The following GALNTL6 variants were observed in gnomAD, a reference collection of about 807,000 sequenced individuals.
GALNTL6 encodes polypeptide N-acetylgalactosaminyltransferase-like 6.
Under a neutral mutation model 73.7 loss-of-function variants are expected in GALNTL6, and 46 were observed. The ratio of observed to expected loss-of-function variants is 0.62; its 90% confidence interval spans 0.49 to 0.80. GALNTL6 has a LOEUF of 0.80. Ranked by LOEUF, GALNTL6 falls within the 30% of genes least tolerant of loss-of-function variation. The pLI is 0.00. For synonymous variants in GALNTL6, 259 were observed against 263.7 expected, an observed-to-expected ratio of 0.98 and a Z score of 0.17; for missense variants, 604 against 755.0, an observed-to-expected ratio of 0.80 and a Z score of 2.34.
chr4:172,893,731 G>A (rs1018933574), intron 8 of GALNTL6, among the ~76,000 whole-genome samples: 4 of 152,220 alleles, frequency 2.6e-5, no homozygotes, highest in African/African-American at 9.6e-5. Context: ...GAGCCTGGGG[G>A]GAAGGGTACC....
At chr4:172,385,130 T>G (rs1176467794) in intron 5 of GALNTL6, among the ~76,000 whole-genome samples, 1 of 152,030 alleles carries the variant, frequency 6.6e-6, no homozygotes, top group Non-Finnish European at 1.5e-5. Flanking sequence ...TGTTTTTAAT[T>G]TTGTTTCAAG....
At chr4:172,686,322 C>A (rs769004262) in intron 5 of GALNTL6, among the ~76,000 whole-genome samples, 1 of 152,130 alleles carries the variant, frequency 6.6e-6, no homozygotes, top group Non-Finnish European at 1.5e-5. Flanking sequence ...CAGACCCCCA[C>A]CCCCACTCCC....
chr4:172,760,594 G>A (rs2110822015), intron 5 of GALNTL6, among the ~76,000 whole-genome samples: 1 of 152,152 alleles, frequency 6.6e-6, no homozygotes, highest in Middle Eastern at 3.4e-3. Flanking sequence ...CTCTACAACT[G>A]CCCCAGAAAT....
intron 5 of GALNTL6, among the ~76,000 whole-genome samples, chr4:172,374,420 G>T (rs1486813758): frequency 6.6e-6 from 1 of 152,132 alleles, no homozygotes; most frequent in East Asian, 1.9e-4. Flanking sequence ...AGCTGATTGG[G>T]TAATAAACTT....
intron 3 of GALNTL6, among the ~76,000 whole-genome samples, chr4:172,256,842 A>T (rs1042017908): frequency 6.6e-6 from 1 of 151,234 alleles, no homozygotes; most frequent in Non-Finnish European, 1.5e-5. Context: ...ACTAGAACAT[A>T]CTCTCTGTGA....
At chr4:172,617,634 G>A (rs1433315863) in intron 5 of GALNTL6, among the ~76,000 whole-genome samples, 2 of 151,276 alleles carry the variant, frequency 1.3e-5, no homozygotes, top group African/African-American at 4.9e-5. Flanking sequence ...CCGCCACCAC[G>A]CCCAGCTAAT....
In GALNTL6 at chr4:172,952,251, G is replaced by A. The variant is rs1354140114; in HGVS notation, c.1364G>A (p.Trp455Ter). The A allele has an allele frequency of 6.2e-7, 1 of 1,612,106 alleles. No homozygotes were observed. The highest frequency in any genetic ancestry group is 1.7e-5 in the Admixed American group (1 of 59,970). ...CCAGTGGAGCCCCCGCCTGCTGCCT[G>A]GGGGGAGGTGAGGAAAGGTTGCCTG... ...YPPVEPPPAA[W>*]GEIRNVAANL... The change falls in exon 10 of 13, where the codon TGG becomes TAG. Residue 455 changes from tryptophan to a stop codon, truncating the protein, a stop_gained. Transcript: ENST00000506823. LOFTEE classifies it high-confidence loss of function.
chr4:172,338,494 T>A (rs1258542465), intron 4 of GALNTL6, among the ~76,000 whole-genome samples: 5 of 151,902 alleles, frequency 3.3e-5, no homozygotes, highest in African/African-American at 1.2e-4. Context: ...TCCTGGGGGG[T>A]ATGACTGTAG....
intron 2 of GALNTL6, among the ~76,000 whole-genome samples, chr4:171,917,357 G>T (rs867846102): frequency 6.6e-6 from 1 of 151,992 alleles, no homozygotes; most frequent in East Asian, 1.9e-4. Context: ...AATTTGCCAA[G>T]GATTTGAACC....
In GALNTL6 at chr4:172,561,196, T is replaced by G. The variant is rs577746944; in HGVS notation, c.553+212507T>G. Among the ~76,000 whole-genome samples the G allele has an allele frequency of 4.3e-3, 580 of 134,976 alleles. 2 individuals are homozygous for G. Among genetic ancestry groups the G allele is most frequent in the African/African-American group, 0.015 (541 of 35,686 alleles). The allele number at this position is 134,976 out of a possible 152,430, so 88.5% of individuals were successfully genotyped here. ...TGAACCCGGGAAGCGGAGCTTGCAG[T>G]GAGCCGAGATTGCGCCACTGCAGTC... is the stretch of plus-strand genomic sequence containing the variant. On this transcript the variant is annotated intron_variant, in intron 5 of 12. Coordinates refer to ENST00000506823, the MANE Select transcript of GALNTL6 (RefSeq NM_001034845.3).
intron 3 of GALNTL6, among the ~76,000 whole-genome samples, chr4:172,298,388 A>G (rs1272156826): frequency 1.3e-5 from 2 of 152,114 alleles, no homozygotes; most frequent in Admixed American, 6.6e-5. Context: ...TTCCAACACT[A>G]TGGTGAATAG....
At chr4:172,231,315 C>T (rs1171121157) in intron 3 of GALNTL6, among the ~76,000 whole-genome samples, 1 of 151,962 alleles carries the variant, frequency 6.6e-6, no homozygotes, top group Non-Finnish European at 1.5e-5. Flanking sequence ...ATAAAATAGC[C>T]CAAATTTACT....
chr4:172,521,635 C>A (rs967327818), intron 5 of GALNTL6, among the ~76,000 whole-genome samples: 1 of 152,080 alleles, frequency 6.6e-6, no homozygotes, highest in Non-Finnish European at 1.5e-5. Context: ...AGGATAATAT[C>A]ATGTAATTTT....
chr4:172,157,505 G>A (rs1255846426), intron 2 of GALNTL6, among the ~76,000 whole-genome samples: 3 of 152,108 alleles, frequency 2.0e-5, no homozygotes, highest in African/African-American at 7.2e-5. Context: ...GTCATGGTGT[G>A]CTGAAGAGTA....
At chr4:172,229,990 A>G (rs1209501415) in intron 3 of GALNTL6, among the ~76,000 whole-genome samples, 2 of 152,192 alleles carry the variant, frequency 1.3e-5, no homozygotes, top group Non-Finnish European at 2.9e-5. Context: ...TTAAAATTTA[A>G]GAAATATATA....
chr4:172,903,966 G>C (rs947863605), intron 8 of GALNTL6, among the ~76,000 whole-genome samples: 2 of 152,068 alleles, frequency 1.3e-5, no homozygotes, highest in Admixed American at 1.3e-4. Context: ...CCAATTGTTA[G>C]TTTTTTAACC....
At chr4:172,467,310 T>C (rs764669812) in intron 5 of GALNTL6, among the ~76,000 whole-genome samples, 1 of 152,218 alleles carries the variant, frequency 6.6e-6, no homozygotes, top group Non-Finnish European at 1.5e-5. Flanking sequence ...CAATTAGTTG[T>C]TTAAAACACC....
chr4:171,954,884 T>C (rs1036049494), intron 2 of GALNTL6, among the ~76,000 whole-genome samples: 7 of 152,174 alleles, frequency 4.6e-5, no homozygotes, highest in African/African-American at 1.7e-4. Flanking sequence ...GCTCTGGCCA[T>C]GTAAGGAGTG....
At chr4:172,756,421 A>G (rs1737753511) in intron 5 of GALNTL6, among the ~76,000 whole-genome samples, 3 of 143,330 alleles carry the variant, frequency 2.1e-5, no homozygotes, top group Admixed American at 2.0e-4. Flanking sequence ...AGGCGGGCAG[A>G]TCATTTGAGG....
Sources: allele counts gnomAD v4.1 joint callset (sites outside exome capture counted in the v4.1 genomes callset), GRCh38; gene constraint gnomAD v4.1.1; transcripts MANE v1.5; gene names NCBI Gene and HGNC (gene_info 2026-07-23, HGNC 2026-07-21).